The following CNTLN variants were observed in gnomAD, a reference collection of about 807,000 sequenced individuals.
The protein encoded by CNTLN is centlein, centrosomal protein.
CNTLN carries 212 observed loss-of-function variants against 180.0 expected under a neutral mutation model. That is an observed-to-expected ratio of 1.18 (90% CI 1.05 to 1.32). CNTLN has a LOEUF of 1.32. Among genes scored for constraint, CNTLN ranks in the 40% most tolerant of loss-of-function variants. The pLI is 0.00. For missense variants in CNTLN, 2,095 were observed against 1,610.9 expected, an observed-to-expected ratio of 1.30 and a Z score of -5.14; for synonymous variants, 722 against 563.1, an observed-to-expected ratio of 1.28 and a Z score of -3.99.
At chr9:17,238,432 C>T (rs879202620) in intron 5 of CNTLN, among the ~76,000 whole-genome samples, 1 of 152,176 alleles carries the variant, frequency 6.6e-6, no homozygotes, top group Admixed American at 6.5e-5. Context: ...TCCCATGAAG[C>T]ATGGTCATAA....
At chr9:17,426,498 A>C (rs1420903177) in intron 18 of CNTLN, among the ~76,000 whole-genome samples, 1 of 152,062 alleles carries the variant, frequency 6.6e-6, no homozygotes, top group African/African-American at 2.4e-5. Flanking sequence ...AGAGAGCTAA[A>C]GTCCAAAATT....
chr9:17,513,319 G>C, the CNTLN span, among the ~76,000 whole-genome samples: 3 of 151,618 alleles, frequency 2.0e-5, no homozygotes, highest in Non-Finnish European at 4.4e-5. Context: ...CATAGCTAAA[G>C]CTCTATTTAA....
rs116096892 is a variant in CNTLN, at chr9:17,142,671, C to T, written c.361-617C>T. Among the ~76,000 whole-genome samples, 551 of 152,192 alleles carry T rather than the reference C, an allele frequency of 3.6e-3. 1 individual carries two copies. Among genetic ancestry groups the T allele is most frequent in the African/African-American group, 0.013 (535 of 41,526 alleles). ...TCAACCCAGAGTGCACAGATTCACT[C>T]GAGGCACTTTTAAAACATACTGATG... On this transcript the variant is annotated intron_variant, in intron 1 of 25. Transcript: ENST00000380647.
intron 8 of CNTLN, among the ~76,000 whole-genome samples, chr9:17,327,207 GTTAACCTT>G (rs1418009187): frequency 7.3e-6 from 1 of 137,154 alleles, no homozygotes; most frequent in African/African-American, 2.6e-5. Flanking sequence ...AAATATAGTA[GTTAACCTT>G]TTTTTTTTTT....
intron 2 of CNTLN, among the ~76,000 whole-genome samples, chr9:17,144,809 ATTTATTTATTTTAT>A (rs1351270910): frequency 1.3e-5 from 2 of 150,708 alleles, no homozygotes; most frequent in Non-Finnish European, 3.0e-5. Context: ...TGGAGAATTT[ATTTATTTATTTTAT>A]TTTATTTTTT....
intron 9 of CNTLN, among the ~76,000 whole-genome samples, chr9:17,331,105 A>G (rs1421005043): frequency 1.3e-5 from 2 of 151,896 alleles, no homozygotes; most frequent in African/African-American, 2.4e-5. Context: ...CATCTCTCTC[A>G]TATATTAATC....
chr9:17,199,581 C>T (rs879262547), intron 2 of CNTLN, among the ~76,000 whole-genome samples: 5 of 152,166 alleles, frequency 3.3e-5, no homozygotes, highest in African/African-American at 1.2e-4. Context: ...ATTTGCATTT[C>T]TCTAATGACC....
At chr9:17,212,251 G>A (rs1260465935) in intron 2 of CNTLN, among the ~76,000 whole-genome samples, 1 of 152,140 alleles carries the variant, frequency 6.6e-6, no homozygotes, top group Non-Finnish European at 1.5e-5. Flanking sequence ...TTTATTGAGA[G>A]TTTTTAGCAT....
chr9:17,329,240 G>C (rs1820490210), intron 8 of CNTLN, among the ~76,000 whole-genome samples: 1 of 151,930 alleles, frequency 6.6e-6, no homozygotes, highest in African/African-American at 2.4e-5. Context: ...AGGAAACCTA[G>C]ACAAGAGCAG....
At chr9:17,298,913 G>T in intron 7 of CNTLN, 1 of 985,242 alleles carries the variant, frequency 1.0e-6, no homozygotes. Flanking sequence ...TGTGCTAACT[G>T]ACTCAGCAGC....
intron 2 of CNTLN, among the ~76,000 whole-genome samples, chr9:17,209,221 G>A (rs1000858678): frequency 6.6e-6 from 1 of 152,062 alleles, no homozygotes; most frequent in Non-Finnish European, 1.5e-5. Context: ...TGTTTTTAGA[G>A]GTTCCAAAAT....
chr9:17,347,224 A>G (rs1312403646), intron 12 of CNTLN, among the ~76,000 whole-genome samples: 1 of 152,186 alleles, frequency 6.6e-6, no homozygotes, highest in Admixed American at 6.5e-5. Context: ...CATCCTTTGA[A>G]TATAATTTCA....
chr9:17,179,568 G>A (rs1439887504), intron 2 of CNTLN, among the ~76,000 whole-genome samples: 1 of 152,158 alleles, frequency 6.6e-6, no homozygotes. Flanking sequence ...ATTTGACAAG[G>A]TTTGTTTTGT....
rs143063951 is a variant in CNTLN, at chr9:17,359,008, C to T, written c.1887-7609C>T. Among the ~76,000 whole-genome samples the T allele has an allele frequency of 7.1e-3, 1,038 of 146,956 alleles. 12 individuals carry two copies. The highest frequency in any genetic ancestry group is 0.026 in the African/African-American group (980 of 38,268). On this transcript the variant is annotated intron_variant, in intron 12 of 25. Coordinates refer to ENST00000380647, the MANE Select transcript of CNTLN (RefSeq NM_017738.4). ...GTAGGCCAATATTTATTCCTCTCCT[C>T]TCCCCTCCCCTCCCCTCCCCTCTCT...
chr9:17,245,816 G>A (rs1825767933), intron 5 of CNTLN, among the ~76,000 whole-genome samples: 1 of 151,512 alleles, frequency 6.6e-6, no homozygotes, highest in Admixed American at 6.6e-5. Context: ...GATCATTTCT[G>A]CTTTTAAGAG....
At position 17,479,957 on chromosome 9, in the gene CNTLN, C is replaced by T. The variant is rs904897458; in HGVS notation, c.3856-4338C>T. 2.6e-5 allele frequency among the ~76,000 whole-genome samples: 4 copies of T among 152,190 alleles called. No individual in the cohort carries two copies. In the East Asian group the frequency reaches 7.7e-4, roughly 29 times the overall value. On this transcript the variant is annotated intron_variant, in intron 23 of 25. Transcript: ENST00000380647. ...CTGGGACTAGCTTGTACCACAAGAG[C>T]CAGTTTTGGGTGTCTCTTTCCAACC... is the stretch of plus-strand genomic sequence containing the variant.
intron 3 of CNTLN, among the ~76,000 whole-genome samples, chr9:17,230,725 G>A (rs980332179): frequency 6.6e-6 from 1 of 152,008 alleles, no homozygotes; most frequent in Non-Finnish European, 1.5e-5. Context: ...ACTGGAAACA[G>A]GAAGGAATAA....
rs73414429 is a variant in CNTLN, at chr9:17,454,001, G to A, written c.3115-3523G>A. 8.2e-3 allele frequency among the ~76,000 whole-genome samples: 1,246 copies of A among 152,198 alleles called. 13 individuals are homozygous for A. The highest frequency in any genetic ancestry group is 0.028 in the African/African-American group (1,145 of 41,522). On this transcript the variant is annotated intron_variant, in intron 18 of 25. Transcript: ENST00000380647. ...TAATTACATCTACAGAATCCTCTTTGCATATAACGTAATGTAATCATGGGA... is the reference window on the plus strand; with the variant it reads ...TAATTACATCTACAGAATCCTCTTTACATATAACGTAATGTAATCATGGGA...
rs754546569 is a variant in CNTLN at position 17,409,332 on chromosome 9, A to C, written c.2655A>C (p.Thr885=). ...SEAQTSQTLG[T]IIVETSQKIS... is the part of the protein sequence containing the mutation. ...CACAGACCTCTCAAACTTTGGGAAC[A>C]ATTATTGTAGAAACATCCCAGAAAA... is the stretch of plus-strand genomic sequence containing the variant. Residue 885 remains threonine, a synonymous_variant, in exon 16 of 26, where the codon ACA becomes ACC. Transcript: ENST00000380647. 6.2e-7 allele frequency: 1 copy of C among 1,613,144 alleles called. No individual in the cohort carries two copies. Among genetic ancestry groups the C allele is most frequent in the Non-Finnish European group, 8.5e-7 (1 of 1,179,636 alleles).
Sources: gnomAD v4.1 joint callset for allele counts (sites outside exome capture counted in the v4.1 genomes callset) on GRCh38, gnomAD v4.1.1 for gene constraint, MANE v1.5 for transcripts, NCBI Gene and HGNC (gene_info 2026-07-23, HGNC 2026-07-21) for gene names.